TXNDC8: variants seen among roughly 807,000 people sequenced by gnomAD.
TXNDC8 encodes the protein thioredoxin domain containing 8.
TXNDC8 carries 15 observed loss-of-function variants against 12.9 expected under a neutral mutation model. The observed-to-expected ratio is 1.16, with a 90% CI of 0.78 to 1.79. The LOEUF is 1.79. Ranked by LOEUF, TXNDC8 falls within the 40% of genes most tolerant of loss-of-function variation. The probability of loss-of-function intolerance (pLI) is 0.00; values close to 1 mark genes in which losing one functional copy is unlikely to be tolerated. For missense variants in TXNDC8, 128 were observed against 113.2 expected (o/e 1.13, Z -0.59); for synonymous variants, 40 against 35.4 (o/e 1.13, Z -0.46).
At chr9:110,323,590 A>C in intron 3 of TXNDC8, 1 of 255,682 alleles carries the variant, frequency 3.9e-6, no homozygotes, top group Non-Finnish European at 7.1e-6. Context: ...AATGAAGGAG[A>C]GTAGCCTGGG....
intron 3 of TXNDC8, among the ~76,000 whole-genome samples, chr9:110,324,383 A>G (rs1839226357): frequency 6.6e-6 from 1 of 152,240 alleles, no homozygotes; most frequent in South Asian, 2.1e-4. Flanking sequence ...ATTTAAATAT[A>G]TTGCACCAGC....
chr9:110,321,976 C>G (rs1438796616), intron 3 of TXNDC8, among the ~76,000 whole-genome samples: 2 of 152,178 alleles, frequency 1.3e-5, no homozygotes, highest in Non-Finnish European at 2.9e-5. Context: ...TTGTAATACT[C>G]TCTCTTTAGG....
chr9:110,326,603 T>G (rs1394513977), intron 2 of TXNDC8, among the ~76,000 whole-genome samples: 2 of 152,096 alleles, frequency 1.3e-5, no homozygotes, highest in Non-Finnish European at 2.9e-5. Context: ...TAAGAAGAGC[T>G]TATTGCAAAA....
chr9:110,309,861 A>T (rs1838599157), intron 3 of TXNDC8, among the ~76,000 whole-genome samples: 1 of 152,272 alleles, frequency 6.6e-6, no homozygotes, highest in South Asian at 2.1e-4. Flanking sequence ...AAGGAAAAAA[A>T]AGTGGGAAAC....
At chr9:110,327,328 T>TA (rs1587983661) in intron 2 of TXNDC8, among the ~76,000 whole-genome samples, 7 of 142,712 alleles carry the variant, frequency 4.9e-5, no homozygotes, top group Non-Finnish European at 1.1e-4. Flanking sequence ...TACTATATAT[T>TA]TTTTTTTTTT....
At chr9:110,321,158 G>A (rs1440463079) in intron 3 of TXNDC8, among the ~76,000 whole-genome samples, 1 of 152,202 alleles carries the variant, frequency 6.6e-6, no homozygotes, top group Non-Finnish European at 1.5e-5. Context: ...CTAGAATCAA[G>A]GGGAAGAAAA....
At chr9:110,329,368 A>G (rs1208406910) in intron 2 of TXNDC8, 77 bp from the exon 3 acceptor site, 8 of 1,162,706 alleles carry the variant, frequency 6.9e-6, no homozygotes, top group Non-Finnish European at 9.9e-6. Context: ...TCTTTTCAGT[A>G]GAAAAGAAAA....
At chr9:110,314,723 C>T (rs1188732359) in intron 3 of TXNDC8, among the ~76,000 whole-genome samples, 1 of 152,116 alleles carries the variant, frequency 6.6e-6, no homozygotes, top group Non-Finnish European at 1.5e-5. Context: ...TGAGCCACCG[C>T]GCCCGGCCAG....
chr9:110,315,377 T>C (rs7865217), intron 3 of TXNDC8, among the ~76,000 whole-genome samples: 13,071 of 152,166 alleles, frequency 0.086, 651 homozygotes, highest in African/African-American at 0.14. Flanking sequence ...GGATTACAAG[T>C]GTGAGCCACT....
downstream of TXNDC8, among the ~76,000 whole-genome samples, chr9:110,302,974 G>A (rs1838298735): frequency 6.6e-6 from 1 of 152,008 alleles, no homozygotes; most frequent in Admixed American, 6.6e-5. Context: ...TGAGGTGGGA[G>A]AATAGCTTGA....
intron 4 of TXNDC8, 56 bp downstream of exon 5, chr9:110,304,411 A>T: frequency 6.7e-7 from 1 of 1,493,256 alleles, no homozygotes; most frequent in Non-Finnish European, 9.3e-7. Context: ...CATTATATTT[A>T]TTCCTTCAAA....
At chr9:110,315,517 A>T (rs1838850032) in intron 3 of TXNDC8, among the ~76,000 whole-genome samples, 3 of 152,212 alleles carry the variant, frequency 2.0e-5, no homozygotes, top group Admixed American at 2.0e-4. Context: ...GACTTCCAAG[A>T]GTACCAATTA....
chr9:110,309,768 CAGT>C (rs1300615604), intron 3 of TXNDC8, among the ~76,000 whole-genome samples: 1 of 152,182 alleles, frequency 6.6e-6, no homozygotes, highest in Non-Finnish European at 1.5e-5. Flanking sequence ...AGAAACAACT[CAGT>C]GGTGTGGAGT....
chr9:110,331,711 T>C (rs1839550182), intron 2 of TXNDC8, among the ~76,000 whole-genome samples: 1 of 152,208 alleles, frequency 6.6e-6, no homozygotes, highest in African/African-American at 2.4e-5. Flanking sequence ...TATTCGATTC[T>C]CATAAGGAGG....
chr9:110,321,789 C>T (rs899070551), intron 3 of TXNDC8, among the ~76,000 whole-genome samples: 1 of 151,942 alleles, frequency 6.6e-6, no homozygotes, highest in Non-Finnish European at 1.5e-5. Context: ...AACCTGCCTC[C>T]TCTGGTTCTA....
intron 3 of TXNDC8, among the ~76,000 whole-genome samples, chr9:110,315,021 A>G (rs1838831595): frequency 6.6e-6 from 1 of 152,228 alleles, no homozygotes; most frequent in South Asian, 2.1e-4. Context: ...GTCTTTTATT[A>G]TGAACATTTT....
intron 2 of TXNDC8, among the ~76,000 whole-genome samples, chr9:110,333,954 T>C (rs1839643529): frequency 6.6e-6 from 1 of 152,244 alleles, no homozygotes; most frequent in Non-Finnish European, 1.5e-5. Flanking sequence ...GAAGAATCCA[T>C]TAATTTGTAC....
chr9:110,326,754 A>T lies in TXNDC8; in HGVS notation c.130-514T>A, dbSNP rs531347484. 9.2e-5 allele frequency among the ~76,000 whole-genome samples: 14 copies of T among 152,312 alleles called. No homozygotes were observed. In the East Asian group the frequency reaches 2.7e-3, roughly 29 times the overall value. On this transcript the variant is annotated intron_variant, in intron 2 of 4. Transcript: ENST00000423740. ...TTTGTGAAAGATTTGGAGCCAAAAT[A>T]TGAGAAAATATGCCAGAATCCCAAT...
chr9:110,320,341 C>G (rs191525978), intron 3 of TXNDC8, among the ~76,000 whole-genome samples: 4 of 152,242 alleles, frequency 2.6e-5, no homozygotes, highest in Non-Finnish European at 5.9e-5. Flanking sequence ...CTTATGAGAA[C>G]CTGATGGTTT....
Sources: allele counts gnomAD v4.1 joint callset (sites outside exome capture counted in the v4.1 genomes callset), GRCh38; gene constraint gnomAD v4.1.1; transcripts MANE v1.5; gene names NCBI Gene and HGNC (gene_info 2026-07-23, HGNC 2026-07-21).